NRG1: variants seen among roughly 807,000 people sequenced by gnomAD.
The protein encoded by NRG1 is neuregulin 1, also known as pro-neuregulin-1, membrane-bound isoform.
NRG1 carries 18 observed loss-of-function variants against 63.8 expected under a neutral mutation model. The ratio of observed to expected loss-of-function variants is 0.28; its 90% CI spans 0.19 to 0.42. The LOEUF (loss-of-function observed/expected upper bound fraction) is 0.42. Among genes scored for constraint, NRG1 ranks in the 10% least tolerant of loss-of-function variants. NRG1 has a pLI of 1.00. For missense variants in NRG1, 762 were observed against 814.7 expected, an observed-to-expected ratio of 0.94 and a Z score of 0.79; for synonymous variants, 302 against 301.3, an observed-to-expected ratio of 1.00 and a Z score of -0.02.
intron 2 of NRG1, among the ~76,000 whole-genome samples, chr8:32,601,904 A>C (rs1461198384): frequency 6.6e-6 from 1 of 152,146 alleles, no homozygotes; most frequent in Admixed American, 6.6e-5. Context: ...CTTCTTAAAA[A>C]TAGTTTTAAA....
At chr8:31,903,883 A>T (rs1010421382) in intron 1 of NRG1, among the ~76,000 whole-genome samples, 1 of 152,116 alleles carries the variant, frequency 6.6e-6, no homozygotes, top group African/African-American at 2.4e-5. Flanking sequence ...TGAACCCTGC[A>T]GAGGATGTGG....
At chr8:32,585,230 G>GA (rs1841387835) in intron 1 of NRG1, among the ~76,000 whole-genome samples, 1 of 152,088 alleles carries the variant, frequency 6.6e-6, no homozygotes, top group African/African-American at 2.4e-5. Context: ...TATGACAATG[G>GA]AAAAAATCAT....
chr8:32,651,759 G>T (rs756326137), intron 5 of NRG1, among the ~76,000 whole-genome samples: 4 of 152,036 alleles, frequency 2.6e-5, no homozygotes, highest in Non-Finnish European at 5.9e-5. Flanking sequence ...TATACCATAG[G>T]ATTTCTTTCC....
At chr8:31,828,267 G>A (rs1824768058) in intron 1 of NRG1, among the ~76,000 whole-genome samples, 1 of 152,212 alleles carries the variant, frequency 6.6e-6, no homozygotes, top group East Asian at 1.9e-4. Context: ...ATCAATAATT[G>A]ACGATGAGTG....
chr8:32,157,234 A>G (rs1304849881), intron 1 of NRG1, among the ~76,000 whole-genome samples: 1 of 151,040 alleles, frequency 6.6e-6, no homozygotes, highest in African/African-American at 2.4e-5. Context: ...GCGTGCTGGC[A>G]TGCACCTGTA....
At chr8:31,793,920 C>T (rs1820949889) in intron 1 of NRG1, among the ~76,000 whole-genome samples, 1 of 152,066 alleles carries the variant, frequency 6.6e-6, no homozygotes, top group Non-Finnish European at 1.5e-5. Context: ...CTTCCCTCCT[C>T]TTTTCTTCCC....
intron 1 of NRG1, among the ~76,000 whole-genome samples, chr8:32,416,505 G>A (rs1402664427): frequency 3.3e-5 from 5 of 152,038 alleles, no homozygotes; most frequent in South Asian, 2.1e-4. Flanking sequence ...AGCGATTCTC[G>A]AATATAGGCT....
intron 1 of NRG1, among the ~76,000 whole-genome samples, chr8:32,167,059 CT>C (rs1839479711): frequency 6.6e-6 from 1 of 152,168 alleles, no homozygotes; most frequent in Non-Finnish European, 1.5e-5. Flanking sequence ...TGACTTGAAG[CT>C]TTTAAGCTAA....
intron 1 of NRG1, among the ~76,000 whole-genome samples, chr8:31,974,997 G>A (rs1490783808): frequency 2.0e-5 from 3 of 152,086 alleles, no homozygotes; most frequent in African/African-American, 7.2e-5. Flanking sequence ...GTCTATGCTG[G>A]GTTTTCTGTG....
intron 7 of NRG1, among the ~76,000 whole-genome samples, chr8:32,748,195 AT>A (rs1827855602): frequency 6.6e-6 from 1 of 152,092 alleles, no homozygotes. Flanking sequence ...CACTTAAGAG[AT>A]ACCTTGCCAT....
At chr8:32,686,703 G>C (rs181100468) in intron 5 of NRG1, among the ~76,000 whole-genome samples, 8 of 152,320 alleles carry the variant, frequency 5.3e-5, no homozygotes, top group Non-Finnish European at 1.2e-4. Context: ...TGACAAGGCT[G>C]TCTAGACATG....
At chr8:32,246,714 T>C (rs1425792564) in intron 1 of NRG1, among the ~76,000 whole-genome samples, 2 of 152,014 alleles carry the variant, frequency 1.3e-5, no homozygotes, top group African/African-American at 4.8e-5. Context: ...TACTGGCTTA[T>C]AGGCACAGAA....
chr8:32,424,345 A>G (rs573403105), intron 1 of NRG1, among the ~76,000 whole-genome samples: 61 of 152,196 alleles, frequency 4.0e-4, no homozygotes, highest in African/African-American at 1.4e-3. Context: ...GCCTCAACAC[A>G]CTTCACTATG....
chr8:32,021,934 A>C (rs1222452625), intron 1 of NRG1, among the ~76,000 whole-genome samples: 2 of 151,900 alleles, frequency 1.3e-5, no homozygotes, highest in Non-Finnish European at 2.9e-5. Context: ...GAGTTGCCAG[A>C]TATCCATAGT....
intron 1 of NRG1, among the ~76,000 whole-genome samples, chr8:32,320,610 C>G (rs1468190396): frequency 1.3e-5 from 2 of 152,144 alleles, no homozygotes; most frequent in Non-Finnish European, 2.9e-5. Flanking sequence ...GGAGAACTCA[C>G]TCACTATCAC....
intron 1 of NRG1, among the ~76,000 whole-genome samples, chr8:32,322,053 C>G (rs117096077): frequency 0.071 from 10,742 of 151,918 alleles, 481 homozygotes; most frequent in Middle Eastern, 0.14. Flanking sequence ...TGGTGCATAC[C>G]TGTATCCCCA....
Position 32,069,727 on chromosome 8 carries a change from T to C in NRG1, c.37+430296T>C, listed in dbSNP as rs76535193. ...AACCCAAGGGTGCAGAAACCTATGA[T>C]AGAAAGCAAGGGTACCAAAACCTTG... On this transcript the variant is annotated intron_variant, in intron 1 of 10. Coordinates refer to the NRG1 transcript ENST00000519301. Among the ~76,000 whole-genome samples the C allele has an allele frequency of 1.2e-4, 19 of 152,130 alleles. No homozygotes were observed. In the East Asian group the frequency reaches 3.1e-3, roughly 25 times the overall value.
At chr8:31,886,468 C>T in intron 1 of NRG1, among the ~76,000 whole-genome samples, 1 of 151,848 alleles carries the variant, frequency 6.6e-6, no homozygotes, top group South Asian at 2.1e-4. Flanking sequence ...AATAAGGAAA[C>T]TATGAAAACA....
intron 1 of NRG1, among the ~76,000 whole-genome samples, chr8:32,151,058 T>G (rs985173393): frequency 6.6e-6 from 1 of 152,032 alleles, no homozygotes; most frequent in Non-Finnish European, 1.5e-5. Flanking sequence ...GGAAGAAGTG[T>G]AATAGCTAAG....
Sources: gnomAD v4.1 joint callset for allele counts (sites outside exome capture counted in the v4.1 genomes callset) on GRCh38, gnomAD v4.1.1 for gene constraint, MANE v1.5 for transcripts, NCBI Gene and HGNC (gene_info 2026-07-23, HGNC 2026-07-21) for gene names.